The following CNBD2 variants were observed in gnomAD, a reference collection of about 807,000 sequenced individuals.
CNBD2 encodes the protein cyclic nucleotide binding domain containing 2, also known as cyclic nucleotide-binding domain-containing protein 2.
CNBD2 carries 64 observed loss-of-function variants against 63.7 expected under a neutral mutation model. That is an observed-to-expected ratio of 1.00 (90% confidence interval 0.82 to 1.24). The LOEUF (loss-of-function observed/expected upper bound fraction) is 1.24. CNBD2 is among the 50% of genes most tolerant of loss of function. The pLI is 0.00. For synonymous variants in CNBD2, 229 were observed against 255.4 expected (o/e 0.90, Z 0.99); for missense variants, 691 against 713.5 (o/e 0.97, Z 0.36).
At chr20:35,995,303 A>C in intron 8 of CNBD2, 151 bp downstream of exon 8, 1 of 552,290 alleles carries the variant, frequency 1.8e-6, no homozygotes, top group Non-Finnish European at 3.2e-6. Flanking sequence ...CCAGTCTGCA[A>C]GGCCCTGCCC....
intron 11 of CNBD2, among the ~76,000 whole-genome samples, chr20:36,024,609 G>A (rs6058395): frequency 0.36 from 53,252 of 147,566 alleles, 13,857 homozygotes; most frequent in African/African-American, 0.74. Flanking sequence ...AGCCTGGGTG[G>A]CAGAGCAAGA....
chr20:35,970,987 G>A (rs1346733812), intron 1 of CNBD2, among the ~76,000 whole-genome samples: 16 of 137,418 alleles, frequency 1.2e-4, no homozygotes, highest in Admixed American at 6.1e-4. Flanking sequence ...TCGCTCTGTC[G>A]CCCAGGCTGG....
intron 2 of CNBD2, among the ~76,000 whole-genome samples, chr20:35,960,518 T>A (rs528020453): frequency 9.2e-5 from 14 of 152,248 alleles, no homozygotes; most frequent in African/African-American, 2.6e-4. Context: ...TGTTTTTTTG[T>A]TTGTTTGTTT....
chr20:36,012,150 A>C (rs2057070143), intron 10 of CNBD2, among the ~76,000 whole-genome samples: 1 of 152,048 alleles, frequency 6.6e-6, no homozygotes, highest in Non-Finnish European at 1.5e-5. Context: ...TAATACAAAA[A>C]TTAGCCAGGC....
chr20:35,983,878 G>A, intron 4 of CNBD2, 104 bp from the exon 5 acceptor site: 2 of 1,360,436 alleles, frequency 1.5e-6, no homozygotes, highest in Middle Eastern at 4.7e-4. Context: ...CCAAGTCTGT[G>A]CTCTTATATC....
chr20:35,968,630 T>C lies in CNBD2; in HGVS notation c.-133T>C, dbSNP rs1233702828. 3.3e-6 allele frequency: 2 copies of C among 608,864 alleles called. No individual in the cohort carries two copies. The highest frequency in any genetic ancestry group is 6.0e-5 in the East Asian group (2 of 33,082). 37.7% of individuals were successfully genotyped at this position (608,864 alleles called of 1,614,324 possible). A position where few individuals can be genotyped will look rare whatever the true frequency, so the allele number is the denominator to read the frequency against. On this transcript the variant is annotated 5_prime_UTR_variant, in exon 1 of 12. Coordinates refer to ENST00000373973, the MANE Select transcript of CNBD2 (RefSeq NM_001365709.1). ...GTAGCTGATGGTATGGTAGGAGGAG[T>C]GGAGTGGAGCTCTTGCCTTGTTACT...
intron 6 of CNBD2, among the ~76,000 whole-genome samples, chr20:35,986,147 G>A (rs573733732): frequency 3.9e-5 from 6 of 152,132 alleles, no homozygotes; most frequent in Non-Finnish European, 5.9e-5. Flanking sequence ...TCAGTTATTT[G>A]CCTTTATGTA....
At chr20:35,960,962 G>C (rs1482529930) in intron 2 of CNBD2, among the ~76,000 whole-genome samples, 1 of 144,090 alleles carries the variant, frequency 6.9e-6, no homozygotes, top group Non-Finnish European at 1.5e-5. Flanking sequence ...CTTTCCTCTC[G>C]CTCTGTCACC....
intron 9 of CNBD2, among the ~76,000 whole-genome samples, chr20:36,008,682 G>A (rs1219907890): frequency 6.6e-6 from 1 of 152,172 alleles, no homozygotes; most frequent in Admixed American, 6.5e-5. Context: ...ACAAGGCTAC[G>A]TCAGGCATTC....
chr20:35,978,500 A>G (rs2056552559), intron 3 of CNBD2, among the ~76,000 whole-genome samples: 1 of 152,036 alleles, frequency 6.6e-6, no homozygotes, highest in Admixed American at 6.6e-5. Context: ...GCCTGCCACC[A>G]CGCCCTGCTA....
chr20:35,965,337 T>TG (rs1235327489), upstream of CNBD2, among the ~76,000 whole-genome samples: 1 of 151,906 alleles, frequency 6.6e-6, no homozygotes, highest in Non-Finnish European at 1.5e-5. Flanking sequence ...GCCACCACAC[T>TG]GGGCTAGTTT....
intron 11 of CNBD2, among the ~76,000 whole-genome samples, chr20:36,026,124 C>T (rs1259350872): frequency 6.6e-6 from 1 of 152,044 alleles, no homozygotes; most frequent in Non-Finnish European, 1.5e-5. Context: ...ACCTCTGCCT[C>T]CCGGGCTCAA....
chr20:36,030,430 C>T lies in CNBD2; in HGVS notation c.1513C>T (p.Leu505Phe), dbSNP rs1399493482. The change falls in exon 12 of 12, where the codon CTC becomes TTC. Residue 505 changes from leucine to phenylalanine, a missense_variant. Physicochemically the swap from Leu to Phe is conservative, Grantham distance 22. Coordinates refer to ENST00000373973, the MANE Select transcript of CNBD2 (RefSeq NM_001365709.1). ...CTTTCGGAAGGACCTGTTGCAGCTG[C>T]TCGTGGAGCCTTGCCAAAGTCAACT... ...NIFRKDLLQL[L>F]VEPCQSQLFT... The T allele has an allele frequency of 6.2e-7, 1 of 1,614,158 alleles. No individual in the cohort carries two copies. The highest frequency in any genetic ancestry group is 8.5e-7 in the Non-Finnish European group (1 of 1,180,032).
chr20:36,022,200 T>TCTTTC (rs199719458), intron 10 of CNBD2, among the ~76,000 whole-genome samples: 2 of 106,390 alleles, frequency 1.9e-5, no homozygotes, highest in African/African-American at 1.1e-4. Flanking sequence ...TTTTTCTTTT[T>TCTTTC]TTTTTTTTTT....
At chr20:35,995,435 C>A (rs779647840) in intron 8 of CNBD2, among the ~76,000 whole-genome samples, 2 of 152,000 alleles carry the variant, frequency 1.3e-5, no homozygotes, top group Non-Finnish European at 2.9e-5. Context: ...CTCTCTTCTG[C>A]TTTTTAAAAT....
chr20:35,960,763 CTTCTCTTCCCTTCTCTTCCA>C lies in CNBD2; in HGVS notation c.228+3009_228+3028del, dbSNP rs1568838556. ...CTTCCCTTCTCTTCCCTTCTCTTCC[CTTCTCTTCCCTTCTCTTCCA>C]TTCTCTTCCCTTCTCTTCCCTTCTC... On this transcript the variant is annotated intron_variant, in intron 2 of 4. Coordinates refer to the CNBD2 transcript ENST00000622112. Among the ~76,000 whole-genome samples, 226 of 82,040 alleles carry C rather than the reference CTTCTCTTCCCTTCTCTTCCA, an allele frequency of 2.8e-3. 26 individuals are homozygous for C. The highest frequency in any genetic ancestry group is 0.012 in the African/African-American group (173 of 14,418). The allele number at this position is 82,040 out of a possible 152,430, so 53.8% of individuals were successfully genotyped here. A position where few individuals can be genotyped will look rare whatever the true frequency, so the allele number is the denominator to read the frequency against.
upstream of CNBD2, among the ~76,000 whole-genome samples, chr20:35,966,733 C>CA (rs941992414): frequency 1.1e-4 from 16 of 152,250 alleles, no homozygotes; most frequent in Admixed American, 8.5e-4. Flanking sequence ...TTCTAAGTCT[C>CA]AGAGTGGTCC....
At chr20:36,012,942 T>C (rs1353214580) in intron 10 of CNBD2, among the ~76,000 whole-genome samples, 1 of 151,878 alleles carries the variant, frequency 6.6e-6, no homozygotes, top group Non-Finnish European at 1.5e-5. Context: ...ATAGTAAAAT[T>C]ATCAGTGGTT....
At chr20:35,976,678 T>A (rs1405417653) in intron 3 of CNBD2, among the ~76,000 whole-genome samples, 1 of 152,190 alleles carries the variant, frequency 6.6e-6, no homozygotes, top group African/African-American at 2.4e-5. Context: ...AATTTCAATC[T>A]CATCATTGTT....
Sources: gnomAD v4.1 joint callset for allele counts (sites outside exome capture counted in the v4.1 genomes callset) on GRCh38, gnomAD v4.1.1 for gene constraint, MANE v1.5 for transcripts, NCBI Gene and HGNC (gene_info 2026-07-23, HGNC 2026-07-21) for gene names.